Variants in FOXO1 observed in about 807,000 individuals in gnomAD.
FOXO1 encodes forkhead box protein O1.
A neutral mutation model predicts 44.1 loss-of-function variants in FOXO1; 6 were observed. That is an observed-to-expected ratio of 0.14 (90% CI 0.07 to 0.27). The LOEUF is 0.27. FOXO1 is among the 10% of genes least tolerant of loss of function. The pLI, the probability that FOXO1 is intolerant of heterozygous loss-of-function variation, is 1.00. For synonymous variants in FOXO1, 380 were observed against 362.7 expected, an observed-to-expected ratio of 1.05 and a Z score of -0.54; for missense variants, 737 against 888.8, an observed-to-expected ratio of 0.83 and a Z score of 2.17.
At chr13:40,641,892 G>A (rs1270274404) in intron 1 of FOXO1, among the ~76,000 whole-genome samples, 1 of 152,064 alleles carries the variant, frequency 6.6e-6, no homozygotes, top group African/African-American at 2.4e-5. Context: ...AGGCTGAGGT[G>A]AGAGGACCAC....
At chr13:40,574,386 T>A (rs1444681851) in intron 1 of FOXO1, among the ~76,000 whole-genome samples, 1 of 152,224 alleles carries the variant, frequency 6.6e-6, no homozygotes, top group Non-Finnish European at 1.5e-5. Context: ...GGTGTCTCCG[T>A]ACCAAATAAC....
chr13:40,594,206 T>C lies in FOXO1; in HGVS notation c.631-33346A>G, dbSNP rs575724280. On this transcript the variant is annotated intron_variant, in intron 1 of 2. Transcript: ENST00000379561. ...AGCATCTCCCTCCTTGAAAAGTTAATGGATAGTGAACAAAAAGACCCACCT... is the reference window on the plus strand; with the variant it reads ...AGCATCTCCCTCCTTGAAAAGTTAACGGATAGTGAACAAAAAGACCCACCT... 7.9e-4 allele frequency among the ~76,000 whole-genome samples: 121 copies of C among 152,276 alleles called. 1 individual carries two copies. The highest frequency in any genetic ancestry group is 2.4e-3 in the African/African-American group (100 of 41,546).
At chr13:40,624,595 T>C (rs1876726868) in intron 1 of FOXO1, among the ~76,000 whole-genome samples, 1 of 152,158 alleles carries the variant, frequency 6.6e-6, no homozygotes, top group South Asian at 2.1e-4. Flanking sequence ...ATAAACTAAA[T>C]GGTAGCTAGC....
At chr13:40,604,749 TG>T (rs1875936627) in intron 1 of FOXO1, among the ~76,000 whole-genome samples, 1 of 152,322 alleles carries the variant, frequency 6.6e-6, no homozygotes, top group African/African-American at 2.4e-5. Flanking sequence ...AAAAGTCTTA[TG>T]TATAAGAATC....
chr13:40,665,758 C>T lies in FOXO1; in HGVS notation c.455G>A (p.Ser152Asn), dbSNP rs1878214965. Residue 152 changes from serine (S) to asparagine (N), a missense_variant, in exon 1 of 3, where the codon AGC becomes AAC. Around this residue, in one of 7 missense-constraint regions of FOXO1, gnomAD observed 213 missense variants for 236.4 expected, o/e 0.90. Coordinates refer to ENST00000379561, the MANE Select transcript of FOXO1 (RefSeq NM_002015.4). ...AGPLAGQPRKSSSSRRNAWGN... is the reference protein window; with the variant it reads ...AGPLAGQPRKNSSSRRNAWGN... ...CCACGCGTTGCGGCGGGACGAGCTGCTCTTGCGCGGCTGCCCCGCGAGCGG... is the reference window on the plus strand; with the variant it reads ...CCACGCGTTGCGGCGGGACGAGCTGTTCTTGCGCGGCTGCCCCGCGAGCGG... 1 of 1,383,338 alleles carries T rather than the reference C, an allele frequency of 7.2e-7. No homozygotes were observed. Among genetic ancestry groups the T allele is most frequent in the Non-Finnish European group, 9.5e-7 (1 of 1,051,586 alleles). 85.7% of individuals were successfully genotyped at this position (1,383,338 alleles called of 1,614,324 possible).
chr13:40,618,748 C>T, intron 1 of FOXO1: 1 of 482,386 alleles, frequency 2.1e-6, no homozygotes, highest in South Asian at 1.6e-5. Context: ...ATGAATCAGT[C>T]TAGATCTAGA....
chr13:40,599,040 G>C (rs1048269647), intron 1 of FOXO1, among the ~76,000 whole-genome samples: 1 of 151,852 alleles, frequency 6.6e-6, no homozygotes, highest in African/African-American at 2.4e-5. Context: ...TGTTTTGGGG[G>C]AAGGGAGAAT....
At chr13:40,637,391 C>G (rs1877195482) in intron 1 of FOXO1, among the ~76,000 whole-genome samples, 1 of 143,540 alleles carries the variant, frequency 7.0e-6, no homozygotes, top group Admixed American at 7.4e-5. Context: ...TTGCAGTGAG[C>G]CAAGATCGTG....
At chr13:40,638,846 G>T (rs956180894) in intron 1 of FOXO1, among the ~76,000 whole-genome samples, 2 of 152,122 alleles carry the variant, frequency 1.3e-5, no homozygotes, top group Non-Finnish European at 2.9e-5. Flanking sequence ...ATCACTGGAA[G>T]TTCTGAAATG....
chr13:40,640,833 G>C (rs1431850376), intron 1 of FOXO1, among the ~76,000 whole-genome samples: 2 of 151,910 alleles, frequency 1.3e-5, no homozygotes, highest in Non-Finnish European at 2.9e-5. Flanking sequence ...TCCCAGGCTG[G>C]AGTGCAATGG....
intron 1 of FOXO1, among the ~76,000 whole-genome samples, chr13:40,576,591 G>A (rs1471786391): frequency 1.3e-5 from 2 of 152,194 alleles, no homozygotes; most frequent in Admixed American, 6.5e-5. Flanking sequence ...AGCTAGTGCT[G>A]AGAGAAGGGC....
chr13:40,608,191 T>A (rs1181157044), intron 1 of FOXO1, among the ~76,000 whole-genome samples: 1 of 152,252 alleles, frequency 6.6e-6, no homozygotes, highest in Non-Finnish European at 1.5e-5. Context: ...TTGGTCCCAA[T>A]TCTTCACTCC....
intron 1 of FOXO1, among the ~76,000 whole-genome samples, chr13:40,590,990 A>G (rs1287995525): frequency 6.6e-6 from 1 of 151,998 alleles, no homozygotes; most frequent in Non-Finnish European, 1.5e-5. Context: ...AAAGAAAAAC[A>G]CAATGCTCAG....
intron 1 of FOXO1, among the ~76,000 whole-genome samples, chr13:40,640,927 G>C (rs1464977649): frequency 6.6e-6 from 1 of 152,092 alleles, no homozygotes. Flanking sequence ...GCGATTACAG[G>C]CACCTGCCAC....
At chr13:40,652,213 T>C (rs1877708141) in intron 1 of FOXO1, among the ~76,000 whole-genome samples, 1 of 152,088 alleles carries the variant, frequency 6.6e-6, no homozygotes. Context: ...GAGAGCCCAC[T>C]TTCTCCTGTA....
At chr13:40,615,125 G>C (rs1876376386) in intron 1 of FOXO1, among the ~76,000 whole-genome samples, 1 of 152,192 alleles carries the variant, frequency 6.6e-6, no homozygotes, top group Non-Finnish European at 1.5e-5. Flanking sequence ...ACCACCGTGT[G>C]GGTTCAAGAT....
chr13:40,562,143 G>A (rs1303190711), intron 1 of FOXO1, among the ~76,000 whole-genome samples: 2 of 151,966 alleles, frequency 1.3e-5, no homozygotes, highest in Non-Finnish European at 2.9e-5. Flanking sequence ...TTCAAGTAGT[G>A]CCCCTACCCT....
At position 40,645,440 on chromosome 13, in the gene FOXO1, G is replaced by A. The variant is rs534010212; in HGVS notation, c.630+20143C>T. ...GGATTTCCTCTTTACAGGCCTTAAG[G>A]TGACTTGCATCATGTTCACGCCCAG... is the stretch of plus-strand genomic sequence containing the variant. On this transcript the variant is annotated intron_variant, in intron 1 of 2. Transcript: ENST00000379561. Among the ~76,000 whole-genome samples the A allele has an allele frequency of 2.2e-4, 34 of 152,248 alleles. No homozygotes were observed. The Middle Eastern group carries it at 0.01, about 46-fold the overall frequency.
intron 1 of FOXO1, among the ~76,000 whole-genome samples, chr13:40,609,202 T>C (rs1876136139): frequency 6.6e-6 from 1 of 152,206 alleles, no homozygotes; most frequent in Non-Finnish European, 1.5e-5. Context: ...AAAATTACGT[T>C]TGGATGACAA....
Sources: gnomAD v4.1 joint callset for allele counts (sites outside exome capture counted in the v4.1 genomes callset) on GRCh38, gnomAD v4.1.1 for gene constraint, gnomAD v4.1.1 regional missense constraint, MANE v1.5 for transcripts, NCBI Gene and HGNC (gene_info 2026-07-23, HGNC 2026-07-21) for gene names.